Variants in LAMA2 observed in about 807,000 individuals in gnomAD.
The protein encoded by LAMA2 is laminin subunit alpha-2.
A neutral mutation model predicts 364.8 loss-of-function variants in LAMA2; 269 were observed. The observed-to-expected ratio is 0.74, with a 90% confidence interval of 0.67 to 0.82. LAMA2 has a LOEUF of 0.82. Ranked by LOEUF, LAMA2 falls within the 40% of genes least tolerant of loss-of-function variation. The pLI is 0.00. For synonymous variants in LAMA2, 1,379 were observed against 1,370.6 expected, an observed-to-expected ratio of 1.01 and a Z score of -0.14; for missense variants, 3,807 against 3,873.2, an observed-to-expected ratio of 0.98 and a Z score of 0.45.
chr6:128,884,493 T>C (rs1776036337), intron 1 of LAMA2, among the ~76,000 whole-genome samples: 7 of 152,172 alleles, frequency 4.6e-5, no homozygotes, highest in Admixed American at 3.9e-4. Context: ...GTTCTGATAT[T>C]TGTTCTTATA....
chr6:129,343,462 T>C (rs1476228175), intron 30 of LAMA2, among the ~76,000 whole-genome samples: 1 of 152,196 alleles, frequency 6.6e-6, no homozygotes, highest in African/African-American at 2.4e-5. Context: ...CAAATGTCAA[T>C]TTTTAGGTAA....
At chr6:129,031,123 T>C (rs1343897201) in intron 1 of LAMA2, among the ~76,000 whole-genome samples, 1 of 152,182 alleles carries the variant, frequency 6.6e-6, no homozygotes, top group Non-Finnish European at 1.5e-5. Flanking sequence ...TATTTATGTG[T>C]GTGTTCAAAC....
At chr6:129,214,436 T>A (rs1305931143) in intron 12 of LAMA2, among the ~76,000 whole-genome samples, 1 of 152,170 alleles carries the variant, frequency 6.6e-6, no homozygotes, top group East Asian at 1.9e-4. Context: ...ATCACCCCAT[T>A]AGGAACCAAA....
intron 1 of LAMA2, among the ~76,000 whole-genome samples, chr6:128,936,533 G>T (rs754955544): frequency 6.6e-6 from 1 of 152,126 alleles, no homozygotes; most frequent in Non-Finnish European, 1.5e-5. Context: ...TGAAACTGCA[G>T]ATTGTACTGA....
intron 37 of LAMA2, among the ~76,000 whole-genome samples, chr6:129,398,841 A>G (rs1050100853): frequency 6.6e-5 from 10 of 152,338 alleles, no homozygotes; most frequent in Admixed American, 2.0e-4. Context: ...ATAGTGATAT[A>G]TAAAACTGTC....
At chr6:129,124,666 G>A (rs1449933443) in intron 4 of LAMA2, among the ~76,000 whole-genome samples, 1 of 152,180 alleles carries the variant, frequency 6.6e-6, no homozygotes, top group African/African-American at 2.4e-5. Context: ...TGTCTTGCAA[G>A]TAGAATAAAA....
At chr6:129,415,838 C>T (rs912240561) in intron 40 of LAMA2, among the ~76,000 whole-genome samples, 13 of 151,934 alleles carry the variant, frequency 8.6e-5, no homozygotes, top group African/African-American at 2.7e-4. Context: ...AGAGCAAGAC[C>T]TTATCTCACA....
intron 20 of LAMA2, 22 bp downstream of exon 20, chr6:129,291,742 A>G (rs934934865): frequency 1.6e-5 from 24 of 1,495,336 alleles, no homozygotes; most frequent in Admixed American, 5.0e-5. Flanking sequence ...AGGCTGACCC[A>G]TAAATTACTT....
chr6:129,443,886 T>C (rs546757700), intron 44 of LAMA2, among the ~76,000 whole-genome samples: 5 of 152,248 alleles, frequency 3.3e-5, no homozygotes, highest in South Asian at 2.1e-4. Flanking sequence ...TAAACCATCA[T>C]TGAAATAACA....
At chr6:129,267,040 C>A in intron 15 of LAMA2, 66 bp from the exon 16 acceptor site, 1 of 1,026,340 alleles carries the variant, frequency 9.7e-7, no homozygotes, top group Non-Finnish European at 1.6e-6. Flanking sequence ...AAAACAAACA[C>A]AAACAAACAA....
chr6:129,349,420 T>C (rs927412612), intron 31 of LAMA2, 36 bp downstream of exon 31: 1 of 1,454,762 alleles, frequency 6.9e-7, no homozygotes, highest in Non-Finnish European at 9.7e-7. Context: ...AGTAATGATA[T>C]GTAGGGACTA....
chr6:128,959,694 G>A lies in LAMA2; in HGVS notation c.112+76337G>A, dbSNP rs952299764. ...GTCCTTTTATTTATTTTTGCAAACTGCCCCTGCCCACTGCCATTCCTGGTC... is the reference window on the plus strand; with the variant it reads ...GTCCTTTTATTTATTTTTGCAAACTACCCCTGCCCACTGCCATTCCTGGTC... On this transcript the variant is annotated intron_variant, in intron 1 of 64. Coordinates refer to ENST00000421865, the MANE Select transcript of LAMA2 (RefSeq NM_000426.4). Among the ~76,000 whole-genome samples, 6 of 151,942 alleles carry A rather than the reference G, an allele frequency of 3.9e-5. No individual in the cohort carries two copies. In the East Asian group the frequency reaches 7.7e-4, roughly 20 times the overall value.
intron 29 of LAMA2, among the ~76,000 whole-genome samples, chr6:129,334,568 A>T (rs914676766): frequency 6.6e-6 from 1 of 152,236 alleles, no homozygotes; most frequent in African/African-American, 2.4e-5. Context: ...ATAAGTAAAA[A>T]AAATTCATGT....
chr6:129,079,814 C>T (rs1158562801), intron 3 of LAMA2, among the ~76,000 whole-genome samples: 1 of 151,986 alleles, frequency 6.6e-6, no homozygotes, highest in African/African-American at 2.4e-5. Flanking sequence ...AGTACATATA[C>T]AACACATATA....
chr6:129,447,260 C>T (rs543502222), intron 45 of LAMA2, among the ~76,000 whole-genome samples: 4 of 152,208 alleles, frequency 2.6e-5, no homozygotes, highest in African/African-American at 9.6e-5. Flanking sequence ...TTATAGAAGC[C>T]GTGAGAAGTG....
At chr6:129,400,524 G>A (rs1779909353) in intron 37 of LAMA2, among the ~76,000 whole-genome samples, 1 of 152,164 alleles carries the variant, frequency 6.6e-6, no homozygotes, top group Non-Finnish European at 1.5e-5. Flanking sequence ...GTAGAATGGT[G>A]ATTTCAGGAA....
intron 28 of LAMA2, 64 bp downstream of exon 28, chr6:129,320,719 C>G: frequency 1.2e-6 from 1 of 851,270 alleles, no homozygotes; most frequent in Non-Finnish European, 2.0e-6. Flanking sequence ...GGAAATACTC[C>G]CAGAAGTACC....
At chr6:129,131,881 G>T (rs942628078) in intron 4 of LAMA2, among the ~76,000 whole-genome samples, 5 of 152,140 alleles carry the variant, frequency 3.3e-5, no homozygotes, top group Admixed American at 3.3e-4. Context: ...AGCTACAAAT[G>T]TGGTGGCTCT....
At chr6:129,464,868 G>A (rs1783459672) in intron 50 of LAMA2, among the ~76,000 whole-genome samples, 1 of 151,722 alleles carries the variant, frequency 6.6e-6, no homozygotes, top group African/African-American at 2.4e-5. Context: ...ATACCTTTTG[G>A]TTCACTTAAT....
Sources: gnomAD v4.1 joint callset for allele counts (sites outside exome capture counted in the v4.1 genomes callset) on GRCh38, gnomAD v4.1.1 for gene constraint, MANE v1.5 for transcripts, NCBI Gene and HGNC (gene_info 2026-07-23, HGNC 2026-07-21) for gene names.